The following MRC1 variants were observed in gnomAD, a reference collection of about 807,000 sequenced individuals.
MRC1 encodes the protein macrophage mannose receptor 1.
Under a neutral mutation model 102.9 loss-of-function variants are expected in MRC1, and 62 were observed. The observed-to-expected ratio is 0.60, with a 90% CI of 0.49 to 0.74. MRC1 has a LOEUF of 0.74. MRC1 is among the 30% of genes least tolerant of loss of function. MRC1 has a pLI of 0.00. For synonymous variants in MRC1, 457 were observed against 298.4 expected (o/e 1.53, Z -5.48); for missense variants, 1,237 against 862.8 (o/e 1.43, Z -5.43).
intron 4 of MRC1, among the ~76,000 whole-genome samples, chr10:17,836,796 A>G (rs1361883883): frequency 6.6e-6 from 1 of 152,062 alleles, no homozygotes; most frequent in Non-Finnish European, 1.5e-5. Flanking sequence ...AGATCGCACC[A>G]TTGCACTCCA....
chr10:17,813,534 G>A (rs1209248818), intron 1 of MRC1, among the ~76,000 whole-genome samples: 5 of 151,566 alleles, frequency 3.3e-5, no homozygotes, highest in Admixed American at 2.6e-4. Flanking sequence ...AAAAATACAA[G>A]CACCTTTCTC....
At chr10:17,906,461 A>G (rs1833896605) in intron 26 of MRC1, among the ~76,000 whole-genome samples, 1 of 151,836 alleles carries the variant, frequency 6.6e-6, no homozygotes, top group Admixed American at 6.6e-5. Flanking sequence ...TTGAAATCCT[A>G]TTCTTCTCTC....
At chr10:17,868,792 C>T (rs1833314988) in intron 12 of MRC1, among the ~76,000 whole-genome samples, 1 of 152,106 alleles carries the variant, frequency 6.6e-6, no homozygotes, top group Admixed American at 6.5e-5. Context: ...AATAGGAATA[C>T]AGGAAGTCTT....
At position 17,866,511 on chromosome 10, in the gene MRC1, G is replaced by A. The variant is rs1589184852; in HGVS notation, c.1784-51G>A. 6 of 780,842 alleles carry A rather than the reference G, an allele frequency of 7.7e-6. No individual in the cohort carries two copies. The East Asian group carries it at 1.2e-4, about 16-fold the overall frequency. 48.4% of individuals were successfully genotyped at this position (780,842 alleles called of 1,614,324 possible). On this transcript the variant is annotated intron_variant, in intron 11 of 29. Transcript: ENST00000569591. ...TGAGTGCCTTCTGTGAGCACGGCAGGCCTTCAGCAGGCACCTGTCAAGTGA... is the reference window on the plus strand; with the variant it reads ...TGAGTGCCTTCTGTGAGCACGGCAGACCTTCAGCAGGCACCTGTCAAGTGA...
intron 4 of MRC1, among the ~76,000 whole-genome samples, chr10:17,835,979 C>A (rs980901177): frequency 7.2e-5 from 11 of 152,210 alleles, no homozygotes; most frequent in African/African-American, 2.2e-4. Flanking sequence ...CACCAGGCAG[C>A]AGAGCAGAGA....
intron 29 of MRC1, among the ~76,000 whole-genome samples, chr10:17,909,681 A>G (rs1479449501): frequency 1.6e-5 from 2 of 128,756 alleles, no homozygotes; most frequent in East Asian, 4.7e-4. Flanking sequence ...TTTAATTTTT[A>G]TAGACTACTT....
Position 17,833,694 on chromosome 10 carries a change from A to C in MRC1, c.657A>C (p.Leu219Phe). The C allele has an allele frequency of 2.6e-6, 2 of 781,054 alleles. No homozygotes were observed. The highest frequency in any genetic ancestry group is 2.4e-6 in the Non-Finnish European group (1 of 418,132). The allele number at this position is 781,054 out of a possible 1,614,324, so 48.4% of individuals were successfully genotyped here. ...TCACAGTTGAGGGCAGTGAAAGCTT[A>C]TGGAATAAAGACCCGCTGACCAGCG... ...CPLKFEGSES[L>F]WNKDPLTSVS... Residue 219 changes from leucine (L) to phenylalanine (F), a missense_variant, in exon 4 of 30, where the codon TTA becomes TTC. By Grantham distance (22) the Leu-to-Phe change is conservative (BLOSUM62 0). Transcript: ENST00000569591.
At chr10:17,897,567 T>G (rs1175756943) in intron 23 of MRC1, among the ~76,000 whole-genome samples, 1 of 152,164 alleles carries the variant, frequency 6.6e-6, no homozygotes, top group Non-Finnish European at 1.5e-5. Flanking sequence ...TACTCACAAG[T>G]GAAGTCAAAC....
At chr10:17,886,703 G>T (rs2130699698) in intron 22 of MRC1, among the ~76,000 whole-genome samples, 1 of 152,212 alleles carries the variant, frequency 6.6e-6, no homozygotes, top group African/African-American at 2.4e-5. Flanking sequence ...CGCCCATTCA[G>T]GTTTTTGTTT....
intron 22 of MRC1, among the ~76,000 whole-genome samples, chr10:17,889,390 G>T (rs1327543704): frequency 1.3e-5 from 2 of 151,840 alleles, no homozygotes; most frequent in African/African-American, 4.8e-5. Flanking sequence ...TCCACTCCTA[G>T]CATACCAATT....
intron 26 of MRC1, among the ~76,000 whole-genome samples, chr10:17,903,974 T>G (rs1346029992): frequency 6.6e-6 from 1 of 152,008 alleles, no homozygotes; most frequent in Non-Finnish European, 1.5e-5. Flanking sequence ...AAAATCTGGT[T>G]CATATTAATA....
Position 17,902,060 on chromosome 10 carries a change from A to G in MRC1, c.3737A>G (p.Tyr1246Cys). The change falls in exon 26 of 30, where the codon TAC (tyrosine) becomes TGC (cysteine). Residue 1246 changes from tyrosine (Y) to cysteine (C), a missense_variant. Transcript: ENST00000569591. ...TGGATTCCTTTCCATGGTCACTGTTACTATATTGAGTCCTCATATACAAGA... is the reference window on the plus strand; with the variant it reads ...TGGATTCCTTTCCATGGTCACTGTTGCTATATTGAGTCCTCATATACAAGA... ...TAWIPFHGHCYYIESSYTRNW... is the reference protein window; with the variant it reads ...TAWIPFHGHCCYIESSYTRNW... 1.3e-6 allele frequency: 1 copy of G among 780,854 alleles called. No individual in the cohort carries two copies. The highest frequency in any genetic ancestry group is 1.3e-5 in the South Asian group (1 of 74,604). 48.4% of individuals were successfully genotyped at this position (780,854 alleles called of 1,614,324 possible).
At chr10:17,828,072 C>A (rs1813366149) in intron 3 of MRC1, among the ~76,000 whole-genome samples, 1 of 152,076 alleles carries the variant, frequency 6.6e-6, no homozygotes, top group African/African-American at 2.4e-5. Flanking sequence ...CAAGTGACCT[C>A]TTTATTTATT....
chr10:17,819,727 G>A (rs1330360591), intron 1 of MRC1, among the ~76,000 whole-genome samples: 2 of 152,252 alleles, frequency 1.3e-5, no homozygotes, highest in East Asian at 3.9e-4. Flanking sequence ...AGGATCACTT[G>A]AGCCTAGGAG....
At position 17,903,396 on chromosome 10, in the gene MRC1, T is replaced by C. The variant is rs1342686976; in HGVS notation, c.3799+1274T>C. On this transcript the variant is annotated intron_variant, in intron 26 of 29. Coordinates refer to ENST00000569591, the MANE Select transcript of MRC1 (RefSeq NM_002438.4). ...CTTTTTCTTTTCTTTTTTTTTCTTT[T>C]TTTTTTTTTTTTTTTTTGAGACAGA... 8.2e-4 allele frequency among the ~76,000 whole-genome samples: 111 copies of C among 135,730 alleles called. No homozygotes were observed. In the East Asian group the frequency reaches 0.02, roughly 24 times the overall value. The allele number at this position is 135,730 out of a possible 152,430, so 89.0% of individuals were successfully genotyped here. A position where few individuals can be genotyped will look rare whatever the true frequency, so the allele number is the denominator to read the frequency against.
At chr10:17,902,207 G>A in intron 26 of MRC1, 85 bp downstream of exon 26, 1 of 675,294 alleles carries the variant, frequency 1.5e-6, no homozygotes, top group East Asian at 2.5e-5. Context: ...TACAAAGAAT[G>A]TAAAAATACC....
Position 17,849,614 on chromosome 10 carries a change from T to G in MRC1, c.1099T>G (p.Trp367Gly). The G allele has an allele frequency of 2.6e-6, 2 of 780,976 alleles. No homozygotes were observed. The highest frequency in any genetic ancestry group is 4.8e-6 in the Non-Finnish European group (2 of 418,098). 48.4% of individuals were successfully genotyped at this position (780,976 alleles called of 1,614,324 possible). A position where few individuals can be genotyped will look rare whatever the true frequency, so the allele number is the denominator to read the frequency against. Residue 367 changes from tryptophan to glycine, a missense_variant, in exon 7 of 30, where the codon TGG becomes GGG. Trp to Gly is a radical substitution (Grantham distance 184). Coordinates refer to ENST00000569591, the MANE Select transcript of MRC1 (RefSeq NM_002438.4). ...DVPTHCPSQW[W>G]PYAGHCYKIH... is the part of the protein sequence containing the mutation. ...GCCTACTCACTGTCCTAGTCAGTGG[T>G]GGCCGTATGCCGGTCACTGTTACAA...
chr10:17,877,382 A>G (rs962376946), intron 17 of MRC1, among the ~76,000 whole-genome samples: 1 of 149,416 alleles, frequency 6.7e-6, no homozygotes, highest in East Asian at 1.9e-4. Flanking sequence ...ATACATATCA[A>G]TCCTCTCACC....
intron 12 of MRC1, among the ~76,000 whole-genome samples, chr10:17,867,429 C>T (rs1804136271): frequency 1.3e-5 from 2 of 149,388 alleles, no homozygotes; most frequent in Admixed American, 6.7e-5. Flanking sequence ...CTCTCTCCTT[C>T]TCTTTCTTTC....
Sources: allele counts gnomAD v4.1 joint callset (sites outside exome capture counted in the v4.1 genomes callset), GRCh38; gene constraint gnomAD v4.1.1; transcripts MANE v1.5; gene names NCBI Gene and HGNC (gene_info 2026-07-23, HGNC 2026-07-21).